The following NEDD4L variants were observed in gnomAD, a reference collection of about 807,000 sequenced individuals.
NEDD4L encodes the protein NEDD4 like E3 ubiquitin protein ligase.
Under a neutral mutation model 148.9 loss-of-function variants are expected in NEDD4L, and 54 were observed. The ratio of observed to expected loss-of-function variants is 0.36; its 90% CI spans 0.29 to 0.45. The LOEUF is 0.45. Ranked by LOEUF, NEDD4L falls within the 20% of genes least tolerant of loss-of-function variation. The probability of loss-of-function intolerance (pLI) is 1.00; values close to 1 mark genes in which losing one functional copy is unlikely to be tolerated. For missense variants in NEDD4L, 856 were observed against 1,233.8 expected (o/e 0.69, Z 4.59); for synonymous variants, 433 against 440.7 (o/e 0.98, Z 0.22).
intron 1 of NEDD4L, among the ~76,000 whole-genome samples, chr18:58,088,072 C>A (rs1178070452): frequency 6.6e-6 from 1 of 152,168 alleles, no homozygotes; most frequent in African/African-American, 2.4e-5. Flanking sequence ...AAGTTGGTGC[C>A]GTTGCTGGCA....
intron 13 of NEDD4L, among the ~76,000 whole-genome samples, chr18:58,340,650 C>T (rs1031775473): frequency 1.3e-5 from 2 of 152,230 alleles, no homozygotes; most frequent in African/African-American, 2.4e-5. Flanking sequence ...GAGCATCCCT[C>T]TCATACACAG....
At chr18:58,389,548 C>G (rs1467799289) in intron 28 of NEDD4L, 1 of 186,324 alleles carries the variant, frequency 5.4e-6, no homozygotes, top group Non-Finnish European at 1.1e-5. Flanking sequence ...TTGCAAGATG[C>G]CACTTTCTGT....
rs60248050 is a variant in NEDD4L, at chr18:58,077,160, C to CTT, written c.48+32482_48+32483dup. On this transcript the variant is annotated intron_variant, in intron 1 of 30. Coordinates refer to ENST00000400345, the MANE Select transcript of NEDD4L (RefSeq NM_001144967.3). ...GCCACCATACCCAGCCTCATAACGGCTTTTTTTTTTTTTTTTTTTTTTTTT... is the reference window on the plus strand; with the variant it reads ...GCCACCATACCCAGCCTCATAACGGCTTTTTTTTTTTTTTTTTTTTTTTTTTT... Among the ~76,000 whole-genome samples, 42 of 48,924 alleles carry CTT rather than the reference C, an allele frequency of 8.6e-4. 4 individuals carry two copies. Among genetic ancestry groups the CTT allele is most frequent in the Non-Finnish European group, 1.4e-3 (37 of 27,090 alleles). 32.1% of individuals were successfully genotyped at this position (48,924 alleles called of 152,430 possible).
At chr18:58,067,128 C>T (rs1029693858) in intron 1 of NEDD4L, among the ~76,000 whole-genome samples, 1 of 152,150 alleles carries the variant, frequency 6.6e-6, no homozygotes, top group Non-Finnish European at 1.5e-5. Flanking sequence ...GAAAGATCAA[C>T]AGCAGAAGAA....
intron 5 of NEDD4L, among the ~76,000 whole-genome samples, chr18:58,299,728 G>A (rs1192027539): frequency 2.6e-5 from 4 of 152,230 alleles, no homozygotes; most frequent in Non-Finnish European, 4.4e-5. Flanking sequence ...ATGAATTGGG[G>A]TGGGGGTAAT....
chr18:58,091,434 A>G (rs1231017657), intron 1 of NEDD4L: 1 of 151,894 alleles, frequency 6.6e-6, no homozygotes, highest in Non-Finnish European at 1.5e-5. Context: ...AAGATGAAAC[A>G]AGATGAGATG....
chr18:58,360,222 A>G (rs920100421), intron 19 of NEDD4L, among the ~76,000 whole-genome samples: 2 of 152,220 alleles, frequency 1.3e-5, no homozygotes, highest in African/African-American at 4.8e-5. Flanking sequence ...AGGCTTCTTC[A>G]GTATGGGGAT....
intron 5 of NEDD4L, among the ~76,000 whole-genome samples, chr18:58,285,955 A>C (rs1048557153): frequency 1.3e-5 from 2 of 152,242 alleles, no homozygotes; most frequent in African/African-American, 4.8e-5. Context: ...TTGCTCACCT[A>C]TGAAAAGAAT....
rs1393185556 is a variant in NEDD4L, at chr18:58,323,339, G to GT, written c.513+6dup. 2 of 1,500,132 alleles carry GT rather than the reference G, an allele frequency of 1.3e-6. No homozygotes were observed. Among genetic ancestry groups the GT allele is most frequent in the Non-Finnish European group, 1.8e-6 (2 of 1,087,086 alleles). 92.9% of individuals were successfully genotyped at this position (1,500,132 alleles called of 1,614,324 possible). A position where few individuals can be genotyped will look rare whatever the true frequency, so the allele number is the denominator to read the frequency against. Reference sequence around the variant, plus strand: ...GACCAGAGGGATGACATGGAGGTACGTGGAGGGCGTCAGGCCTCTCTCCTT... The same window carrying GT: ...GACCAGAGGGATGACATGGAGGTACGTTGGAGGGCGTCAGGCCTCTCTCCTT... On this transcript the variant is annotated splice_donor_region_variant and intron_variant, in intron 8 of 30. Transcript: ENST00000400345.
intron 1 of NEDD4L, among the ~76,000 whole-genome samples, chr18:58,097,637 C>G (rs2084499487): frequency 6.6e-6 from 1 of 152,194 alleles, no homozygotes; most frequent in Admixed American, 6.5e-5. Flanking sequence ...ACACTGTAAT[C>G]AGATATACAG....
At chr18:58,145,495 G>T (rs1035604589) in intron 1 of NEDD4L, among the ~76,000 whole-genome samples, 1 of 152,112 alleles carries the variant, frequency 6.6e-6, no homozygotes, top group Non-Finnish European at 1.5e-5. Context: ...ACACCAAATT[G>T]TGAGGATTGA....
chr18:58,329,479 C>G (rs2059612730), intron 10 of NEDD4L, among the ~76,000 whole-genome samples: 1 of 152,078 alleles, frequency 6.6e-6, no homozygotes, highest in South Asian at 2.1e-4. Flanking sequence ...GCCTCAGCCT[C>G]CTGAGTAGCT....
chr18:58,148,850 A>C (rs1489908475), intron 1 of NEDD4L, among the ~76,000 whole-genome samples: 2 of 152,358 alleles, frequency 1.3e-5, no homozygotes, highest in Non-Finnish European at 1.5e-5. Flanking sequence ...TGGTGGGTTC[A>C]AGAATCTTTT....
chr18:58,263,092 G>A (rs556474029), intron 5 of NEDD4L, among the ~76,000 whole-genome samples: 3 of 152,242 alleles, frequency 2.0e-5, no homozygotes, highest in Admixed American at 6.5e-5. Flanking sequence ...GCTGGAAGGG[G>A]GCCCTCCTAT....
chr18:58,238,315 T>C (rs1191011864), intron 2 of NEDD4L, among the ~76,000 whole-genome samples: 1 of 152,202 alleles, frequency 6.6e-6, no homozygotes, highest in Non-Finnish European at 1.5e-5. Flanking sequence ...TGAAGCCCTT[T>C]AGGGTTTGTT....
chr18:58,283,722 A>G (rs1034764036), intron 5 of NEDD4L, among the ~76,000 whole-genome samples: 11 of 152,186 alleles, frequency 7.2e-5, no homozygotes, highest in Non-Finnish European at 1.5e-4. Flanking sequence ...TCGTCACTTC[A>G]TTATTGCTCA....
At chr18:58,340,447 G>A (rs981321920) in intron 13 of NEDD4L, among the ~76,000 whole-genome samples, 7 of 152,176 alleles carry the variant, frequency 4.6e-5, no homozygotes, top group African/African-American at 1.7e-4. Context: ...CTGAGCTGGG[G>A]CACACAGATG....
At chr18:58,069,976 G>A (rs971071742) in intron 1 of NEDD4L, among the ~76,000 whole-genome samples, 4 of 152,188 alleles carry the variant, frequency 2.6e-5, no homozygotes, top group African/African-American at 9.7e-5. Flanking sequence ...AAACTCAGAA[G>A]TCTGTTAAAC....
intron 2 of NEDD4L, among the ~76,000 whole-genome samples, chr18:58,196,433 T>G (rs571448136): frequency 2.0e-5 from 3 of 152,362 alleles, no homozygotes; most frequent in Non-Finnish European, 4.4e-5. Context: ...TTTGCTCTTA[T>G]ATGGATAAAC....
Sources: gnomAD v4.1 joint callset for allele counts (sites outside exome capture counted in the v4.1 genomes callset) on GRCh38, gnomAD v4.1.1 for gene constraint, MANE v1.5 for transcripts, NCBI Gene and HGNC (gene_info 2026-07-23, HGNC 2026-07-21) for gene names.